JMJD1C: variants seen among roughly 807,000 people sequenced by gnomAD.
JMJD1C encodes the protein jumonji domain containing 1C.
JMJD1C carries 31 observed loss-of-function variants against 245.3 expected under a neutral mutation model. The observed-to-expected ratio is 0.13, with a 90% CI of 0.09 to 0.17. JMJD1C has a LOEUF of 0.17. Among genes scored for constraint, JMJD1C ranks in the 10% least tolerant of loss-of-function variants. The pLI is 1.00. For synonymous variants in JMJD1C, 1,057 were observed against 1,017.4 expected, an observed-to-expected ratio of 1.04 and a Z score of -0.74; for missense variants, 2,691 against 3,000.2, an observed-to-expected ratio of 0.90 and a Z score of 2.41.
chr10:63,446,301 T>C (rs951532970), intron 1 of JMJD1C, among the ~76,000 whole-genome samples: 21 of 152,188 alleles, frequency 1.4e-4, no homozygotes, highest in Middle Eastern at 3.4e-3. Context: ...GAGTTGCTAT[T>C]TACTGGATAA....
chr10:63,215,122 T>C lies in JMJD1C; in HGVS notation c.1045A>G (p.Met349Val). Residue 349 changes from methionine (M) to valine (V), a missense_variant, in exon 8 of 26, where the codon ATG becomes GTG. Met to Val is a conservative substitution (Grantham distance 21). This residue lies in a region of JMJD1C where 1,562 missense variants were observed against 1,490.7 expected (regional missense o/e 1.05). Transcript: ENST00000399262. ...ENPKGKNKHL[M>V]NKRRKPEEDE... ...TCCTCAGGTTTCCTTCTTTTATTCA[T>C]CAAGTGTTTGTTTTTACCTTTAGGA... 6.4e-7 allele frequency: 1 copy of C among 1,571,216 alleles called. No individual in the cohort carries two copies.
intron 8 of JMJD1C, among the ~76,000 whole-genome samples, chr10:63,211,136 T>C (rs1847267757): frequency 6.6e-6 from 1 of 152,144 alleles, no homozygotes; most frequent in Non-Finnish European, 1.5e-5. Flanking sequence ...GCAAGATGCA[T>C]CATCAACCAC....
intron 2 of JMJD1C, among the ~76,000 whole-genome samples, chr10:63,341,320 G>T (rs1943358098): frequency 6.6e-6 from 1 of 152,186 alleles, no homozygotes; most frequent in African/African-American, 2.4e-5. Context: ...TGTGACGCCA[G>T]AACAAATCTA....
chr10:63,465,776 C>T lies in JMJD1C; in HGVS notation c.-114G>A. The T allele has an allele frequency of 7.8e-7, 1 of 1,285,924 alleles. No individual in the cohort carries two copies. Among genetic ancestry groups the T allele is most frequent in the Non-Finnish European group, 1.1e-6 (1 of 912,258 alleles). 79.7% of individuals were successfully genotyped at this position (1,285,924 alleles called of 1,614,324 possible). A position where few individuals can be genotyped will look rare whatever the true frequency, so the allele number is the denominator to read the frequency against. On this transcript the variant is annotated 5_prime_UTR_variant, in exon 1 of 26. Transcript: ENST00000399262. ...GCGGACCGGGACACAGCAGCGGACC[C>T]GAAAGAGCGCAGACTCGGGACGAAC...
At chr10:63,260,231 T>C (rs901381926) in intron 3 of JMJD1C, among the ~76,000 whole-genome samples, 1 of 152,178 alleles carries the variant, frequency 6.6e-6, no homozygotes, top group Admixed American at 6.5e-5. Context: ...ATTTCTTTAT[T>C]ACATTTAAAA....
intron 2 of JMJD1C, among the ~76,000 whole-genome samples, chr10:63,307,661 G>A (rs1489825014): frequency 4.0e-5 from 6 of 151,866 alleles, no homozygotes; most frequent in South Asian, 2.1e-4. Flanking sequence ...GGAAGTAGAG[G>A]GCTAAAAAGC....
chr10:63,367,570 T>C (rs1158571795), intron 2 of JMJD1C, among the ~76,000 whole-genome samples: 1 of 152,126 alleles, frequency 6.6e-6, no homozygotes, highest in African/African-American at 2.4e-5. Flanking sequence ...GAGGAAACTT[T>C]AAAAACTGGA....
intron 1 of JMJD1C, among the ~76,000 whole-genome samples, chr10:63,397,544 G>GT (rs1948586093): frequency 6.7e-6 from 1 of 150,340 alleles, no homozygotes; most frequent in African/African-American, 2.5e-5. Context: ...TTTATTTATT[G>GT]TATTTTTGAA....
intron 1 of JMJD1C, among the ~76,000 whole-genome samples, chr10:63,404,152 G>C (rs1564884596): frequency 6.6e-6 from 1 of 151,954 alleles, no homozygotes; most frequent in Non-Finnish European, 1.5e-5. Flanking sequence ...ATAAAGACTA[G>C]AGAGACAATA....
intron 1 of JMJD1C, among the ~76,000 whole-genome samples, chr10:63,503,008 C>T (rs920490597): frequency 6.6e-6 from 1 of 152,122 alleles, no homozygotes; most frequent in African/African-American, 2.4e-5. Flanking sequence ...GAAGTAGATA[C>T]TATTATTATA....
intron 1 of JMJD1C, among the ~76,000 whole-genome samples, chr10:63,389,031 A>T (rs988409711): frequency 3.3e-5 from 5 of 152,112 alleles, no homozygotes; most frequent in Non-Finnish European, 5.9e-5. Context: ...ATATTATTAG[A>T]CCTCAATGGA....
intron 2 of JMJD1C, among the ~76,000 whole-genome samples, chr10:63,318,792 G>A (rs1005217602): frequency 4.6e-5 from 7 of 152,038 alleles, no homozygotes; most frequent in African/African-American, 1.7e-4. Context: ...ACTAACCAAT[G>A]TATTTCATCA....
chr10:63,335,239 G>GA (rs1028436017), intron 2 of JMJD1C, among the ~76,000 whole-genome samples: 1 of 152,056 alleles, frequency 6.6e-6, no homozygotes, highest in African/African-American at 2.4e-5. Flanking sequence ...TGTTATCAGA[G>GA]AATGTTGCTT....
chr10:63,511,488 G>C, intron 1 of JMJD1C, among the ~76,000 whole-genome samples: 1 of 152,166 alleles, frequency 6.6e-6, no homozygotes, highest in Non-Finnish European at 1.5e-5. Context: ...AAGGCTGGTG[G>C]ATCACGAGGT....
At chr10:63,246,835 C>T (rs1488179067) in intron 3 of JMJD1C, among the ~76,000 whole-genome samples, 1 of 151,800 alleles carries the variant, frequency 6.6e-6, no homozygotes, top group Non-Finnish European at 1.5e-5. Flanking sequence ...AAACAACATG[C>T]TCCTGAACAA....
intron 1 of JMJD1C, among the ~76,000 whole-genome samples, chr10:63,392,243 A>G (rs969185809): frequency 5.3e-5 from 8 of 152,220 alleles, no homozygotes; most frequent in African/African-American, 1.4e-4. Context: ...AACTTAAAAC[A>G]TAAGACCCAA....
At chr10:63,504,937 G>A (rs1390650459) in intron 1 of JMJD1C, among the ~76,000 whole-genome samples, 1 of 151,802 alleles carries the variant, frequency 6.6e-6, no homozygotes. Context: ...AGGATCAACT[G>A]AGCCCAGGAG....
intron 1 of JMJD1C, among the ~76,000 whole-genome samples, chr10:63,505,510 A>C (rs1006398552): frequency 6.6e-6 from 1 of 152,142 alleles, no homozygotes; most frequent in African/African-American, 2.4e-5. Context: ...TGGAAGCTTC[A>C]TAGCAGAGCA....
At chr10:63,313,853 C>T (rs1939572019) in intron 2 of JMJD1C, among the ~76,000 whole-genome samples, 1 of 152,188 alleles carries the variant, frequency 6.6e-6, no homozygotes, top group Non-Finnish European at 1.5e-5. Flanking sequence ...AGGATGTATA[C>T]ACTGTGAGGA....
Sources: allele counts gnomAD v4.1 joint callset (sites outside exome capture counted in the v4.1 genomes callset), GRCh38; gene constraint gnomAD v4.1.1; regional missense constraint gnomAD v4.1.1; transcripts MANE v1.5; gene names NCBI Gene and HGNC (gene_info 2026-07-23, HGNC 2026-07-21).